INTS4: variants seen among roughly 807,000 people sequenced by gnomAD.
The protein encoded by INTS4 is MSTP093.
A neutral mutation model predicts 119.5 loss-of-function variants in INTS4; 70 were observed. The observed-to-expected ratio is 0.59, with a 90% CI of 0.48 to 0.71. INTS4 has a LOEUF of 0.71. INTS4 is among the 30% of genes least tolerant of loss of function. The probability of loss-of-function intolerance (pLI) is 0.00; values close to 1 mark genes in which losing one functional copy is unlikely to be tolerated. For missense variants in INTS4, 867 were observed against 1,173.2 expected (o/e 0.74, Z 3.81); for synonymous variants, 316 against 419.6 (o/e 0.75, Z 3.02).
At chr11:77,876,940 T>C, downstream of INTS4, 1 of 703,086 alleles carries the variant, frequency 1.4e-6, no homozygotes, top group East Asian at 2.7e-5. Flanking sequence ...TTCTTCATGT[T>C]TTTGTCTAGG....
chr11:77,945,091 AG>A (rs1468770739), intron 8 of INTS4, among the ~76,000 whole-genome samples: 1 of 152,270 alleles, frequency 6.6e-6, no homozygotes, highest in Non-Finnish European at 1.5e-5. Flanking sequence ...TGGAAGCCTC[AG>A]GATAGCACCA....
At chr11:77,967,651 T>C (rs1372092486) in intron 4 of INTS4, among the ~76,000 whole-genome samples, 2 of 152,144 alleles carry the variant, frequency 1.3e-5, no homozygotes, top group African/African-American at 4.8e-5. Context: ...CTGTGCCTCA[T>C]GATGTTATAC....
At chr11:77,951,539 A>G (rs1954196417) in intron 8 of INTS4, among the ~76,000 whole-genome samples, 1 of 152,238 alleles carries the variant, frequency 6.6e-6, no homozygotes, top group Non-Finnish European at 1.5e-5. Flanking sequence ...CTTAAATGTT[A>G]GACCTAAAAC....
In INTS4 at chr11:77,883,782, G is replaced by A. The variant is rs1951882780; in HGVS notation, c.2713+50C>T. On this transcript the variant is annotated intron_variant, in intron 22 of 22. Transcript: ENST00000534064. The stretch of plus-strand genomic sequence containing the variant: ...AAAAACCAAACGCTTAAGGGTAGGT[G>A]TGATCTCCAGCAGCATATTTCCCTT... 3 of 1,595,962 alleles carry A rather than the reference G, an allele frequency of 1.9e-6. No individual in the cohort carries two copies. In the African/African-American group the frequency reaches 4.0e-5, roughly 21 times the overall value.
At position 77,878,750 on chromosome 11, in the gene INTS4, G is replaced by A. The variant is rs752895720; in HGVS notation, c.*199C>T. ...GTTTTCTCAACTTTATTGTGGACAG[G>A]AGAAGGGTAAGTAGACTTGAAGGTT... On this transcript the variant is annotated 3_prime_UTR_variant, in exon 23 of 23. Coordinates refer to ENST00000534064, the MANE Select transcript of INTS4 (RefSeq NM_033547.4). 4 of 695,198 alleles carry A rather than the reference G, an allele frequency of 5.8e-6. No homozygotes were observed. The highest frequency in any genetic ancestry group is 3.5e-5 in the African/African-American group (2 of 56,460). 43.1% of individuals were successfully genotyped at this position (695,198 alleles called of 1,614,324 possible).
chr11:77,954,376 C>G (rs1954268673), intron 8 of INTS4, among the ~76,000 whole-genome samples: 1 of 152,020 alleles, frequency 6.6e-6, no homozygotes, highest in African/African-American at 2.4e-5. Context: ...TCTTGAACTC[C>G]TGGGCTCAAA....
intron 18 of INTS4, among the ~76,000 whole-genome samples, chr11:77,898,857 T>C (rs752869105): frequency 2.1e-4 from 32 of 151,878 alleles, no homozygotes; most frequent in Admixed American, 5.3e-4. Context: ...CCATCTCTCC[T>C]AAAAATAAAA....
intron 2 of INTS4, among the ~76,000 whole-genome samples, chr11:77,982,134 G>GTTTTT (rs1194019101): frequency 6.9e-6 from 1 of 144,978 alleles, no homozygotes; most frequent in Non-Finnish European, 1.5e-5. Context: ...CATTCTACCT[G>GTTTTT]TCTTTTTTTT....
chr11:77,991,006 A>G, intron 2 of INTS4, 102 bp downstream of exon 2: 3 of 994,528 alleles, frequency 3.0e-6, no homozygotes, highest in Non-Finnish European at 4.5e-6. Flanking sequence ...ACTCAATAAA[A>G]GCTTCCTAAT....
chr11:77,905,450 C>G (rs562533114), intron 16 of INTS4, among the ~76,000 whole-genome samples: 1 of 150,738 alleles, frequency 6.6e-6, no homozygotes, highest in African/African-American at 2.4e-5. Flanking sequence ...TAAGCTGAGA[C>G]TCTGTCTCAA....
rs1334550663 is a variant in INTS4 at position 77,977,823 on chromosome 11, G to A, written c.471+1173C>T. 2.0e-5 allele frequency: 3 copies of A among 151,568 alleles called. No homozygotes were observed. In the East Asian group the frequency reaches 5.8e-4, roughly 29 times the overall value. 9.4% of individuals were successfully genotyped at this position (151,568 alleles called of 1,614,324 possible). On this transcript the variant is annotated intron_variant, in intron 4 of 22. Coordinates refer to ENST00000534064, the MANE Select transcript of INTS4 (RefSeq NM_033547.4). ...CACAGATATATATTTCCTCTCACAGGGGAGACGTACTTACTCTCCCACACA... is the reference window on the plus strand; with the variant it reads ...CACAGATATATATTTCCTCTCACAGAGGAGACGTACTTACTCTCCCACACA...
chr11:77,992,536 G>C (rs1480616223), intron 1 of INTS4, among the ~76,000 whole-genome samples: 1 of 152,094 alleles, frequency 6.6e-6, no homozygotes, highest in Non-Finnish European at 1.5e-5. Flanking sequence ...TCCTGTCTCT[G>C]TTAAAAAATA....
chr11:77,974,923 T>C (rs140557331), intron 4 of INTS4, among the ~76,000 whole-genome samples: 1 of 152,294 alleles, frequency 6.6e-6, no homozygotes, highest in East Asian at 1.9e-4. Flanking sequence ...TCCTTTTTTT[T>C]CCTAATATGT....
intron 18 of INTS4, among the ~76,000 whole-genome samples, chr11:77,894,910 A>G (rs1334273554): frequency 6.6e-6 from 1 of 152,174 alleles, no homozygotes; most frequent in Non-Finnish European, 1.5e-5. Flanking sequence ...TCTACATGCA[A>G]TTTACTCAGA....
chr11:77,893,132 C>T (rs999575820), intron 19 of INTS4, among the ~76,000 whole-genome samples: 1 of 152,198 alleles, frequency 6.6e-6, no homozygotes, highest in Admixed American at 6.5e-5. Flanking sequence ...TGCCAGCATA[C>T]CAGAAGTCTG....
intron 10 of INTS4, among the ~76,000 whole-genome samples, chr11:77,929,636 G>C: frequency 6.6e-6 from 1 of 152,098 alleles, no homozygotes; most frequent in South Asian, 2.1e-4. Context: ...CCAATACTCA[G>C]GTCTGTTGAT....
intron 11 of INTS4, among the ~76,000 whole-genome samples, chr11:77,925,622 G>A (rs1364814242): frequency 1.3e-5 from 2 of 152,168 alleles, no homozygotes; most frequent in East Asian, 1.9e-4. Context: ...GAGGCAAATC[G>A]AAATGTCACT....
chr11:77,923,463 T>C (rs373484382), intron 12 of INTS4, among the ~76,000 whole-genome samples: 4 of 152,260 alleles, frequency 2.6e-5, no homozygotes, highest in East Asian at 3.9e-4. Flanking sequence ...TTTAATCAGA[T>C]TGTCTTTTTT....
intron 16 of INTS4, among the ~76,000 whole-genome samples, chr11:77,907,075 G>A (rs1192499826): frequency 6.6e-6 from 1 of 152,068 alleles, no homozygotes; most frequent in Non-Finnish European, 1.5e-5. Flanking sequence ...AGTGCAGTGA[G>A]TTTTTTTGTT....
Sources: allele counts gnomAD v4.1 joint callset (sites outside exome capture counted in the v4.1 genomes callset), GRCh38; gene constraint gnomAD v4.1.1; transcripts MANE v1.5; gene names NCBI Gene and HGNC (gene_info 2026-07-23, HGNC 2026-07-21).